ERN1: variants seen among roughly 807,000 people sequenced by gnomAD.
ERN1 encodes serine/threonine-protein kinase/endoribonuclease IRE1.
ERN1 carries 39 observed loss-of-function variants against 113.1 expected under a neutral mutation model. The ratio of observed to expected loss-of-function variants is 0.34; its 90% CI spans 0.27 to 0.45. The LOEUF is 0.45. Among genes scored for constraint, ERN1 ranks in the 20% least tolerant of loss-of-function variants. The pLI is 1.00. For synonymous variants in ERN1, 507 were observed against 515.9 expected (o/e 0.98, Z 0.23); for missense variants, 976 against 1,274.8 (o/e 0.77, Z 3.57).
intron 10 of ERN1, 126 bp from the exon 11 acceptor site, chr17:64,060,713 G>A (rs978700312): frequency 6.0e-6 from 4 of 663,466 alleles, no homozygotes; most frequent in Non-Finnish European, 1.1e-5. Flanking sequence ...GCAGGACTGT[G>A]AGTTAGAGAA....
chr17:64,123,733 T>TAC (rs1485939427), intron 1 of ERN1, among the ~76,000 whole-genome samples: 3 of 152,148 alleles, frequency 2.0e-5, no homozygotes, highest in African/African-American at 7.2e-5. Context: ...GAAAGTTCAT[T>TAC]ACATTGTTAT....
intron 4 of ERN1, 25 bp from the exon 5 acceptor site, chr17:64,075,272 A>AAAG: frequency 6.8e-7 from 1 of 1,478,498 alleles, no homozygotes. Flanking sequence ...AAAAAGAAAA[A>AAAG]AAAAAGTTAA....
In ERN1 at chr17:64,042,692, T is replaced by C. The variant is rs961739924; in HGVS notation, c.*1296A>G. On this transcript the variant is annotated 3_prime_UTR_variant, in exon 22 of 22. Transcript: ENST00000433197. ...TATGTTAAGTTTAGAAAAAAAAATA[T>C]GGTACAAACAATTTAGAGACTATTT... is the stretch of plus-strand genomic sequence containing the variant. The C allele has an allele frequency of 6.6e-6, 1 of 152,158 alleles. No homozygotes were observed. Among genetic ancestry groups the C allele is most frequent in the Non-Finnish European group, 1.5e-5 (1 of 68,018 alleles). 9.4% of individuals were successfully genotyped at this position (152,158 alleles called of 1,614,324 possible).
chr17:64,128,937 CAT>C (rs922938623), intron 1 of ERN1: 17 of 152,190 alleles, frequency 1.1e-4, no homozygotes, highest in African/African-American at 2.4e-4. Flanking sequence ...CAGGCACACA[CAT>C]GTCAGTGCTC....
rs376529363 is a variant in ERN1 at position 64,048,002 on chromosome 17, T to G, written c.2402-17A>C. The stretch of plus-strand genomic sequence containing the variant: ...TGACGTCTTCTATAAAGGAGGAAAA[T>G]AAGCAACTCATGACTACCAGTCCAA... On this transcript the variant is annotated splice_polypyrimidine_tract_variant and intron_variant, in intron 18 of 21. Transcript: ENST00000433197. 9 of 1,598,924 alleles carry G rather than the reference T, an allele frequency of 5.6e-6. No homozygotes were observed. Among genetic ancestry groups the G allele is most frequent in the Admixed American group, 1.7e-5 (1 of 59,000 alleles).
At chr17:64,075,102 T>C (rs1025076465) in intron 5 of ERN1, 73 bp downstream of exon 5, 12 of 1,279,692 alleles carry the variant, frequency 9.4e-6, no homozygotes, top group Admixed American at 6.0e-5. Flanking sequence ...GCCCTCTCTC[T>C]CCGCATGCCA....
At chr17:64,069,654 G>A (rs1913347392) in intron 6 of ERN1, among the ~76,000 whole-genome samples, 1 of 152,144 alleles carries the variant, frequency 6.6e-6, no homozygotes, top group African/African-American at 2.4e-5. Context: ...TCTCTTTCCT[G>A]CCCTTTTTTG....
At position 64,075,106 on chromosome 17, in the gene ERN1, C is replaced by T. The variant is rs983688638; in HGVS notation, c.355+69G>A. The T allele has an allele frequency of 1.3e-5, 17 of 1,309,804 alleles. No homozygotes were observed. The African/African-American group carries it at 2.5e-4, about 19-fold the overall frequency. The allele number at this position is 1,309,804 out of a possible 1,614,324, so 81.1% of individuals were successfully genotyped here. On this transcript the variant is annotated intron_variant, in intron 5 of 21. Transcript: ENST00000433197. ...GCGGTGACTGCGCCCTCTCTCTCCGCATGCCACTTTCCCAGATTCCGGGAC... is the reference window on the plus strand; with the variant it reads ...GCGGTGACTGCGCCCTCTCTCTCCGTATGCCACTTTCCCAGATTCCGGGAC...
At chr17:64,096,073 T>C (rs572117859) in intron 2 of ERN1, among the ~76,000 whole-genome samples, 49 of 152,296 alleles carry the variant, frequency 3.2e-4, no homozygotes, top group Non-Finnish European at 5.7e-4. Flanking sequence ...CTTTTTCATT[T>C]TGGGGTCCTA....
chr17:64,098,759 T>C (rs1914302008), intron 1 of ERN1, among the ~76,000 whole-genome samples: 1 of 152,234 alleles, frequency 6.6e-6, no homozygotes, highest in East Asian at 1.9e-4. Context: ...AGTAAAGATA[T>C]GTTATAAAAG....
intron 1 of ERN1, among the ~76,000 whole-genome samples, chr17:64,102,118 A>T (rs1914400838): frequency 6.6e-6 from 1 of 150,934 alleles, no homozygotes; most frequent in African/African-American, 2.4e-5. Flanking sequence ...CGTCTGTACT[A>T]AAAAAAAATA....
Position 64,068,284 on chromosome 17 carries a change from G to A in ERN1, c.486C>T (p.Thr162=). 1 of 1,610,996 alleles carries A rather than the reference G, an allele frequency of 6.2e-7. No individual in the cohort carries two copies. The highest frequency in any genetic ancestry group is 8.5e-7 in the Non-Finnish European group (1 of 1,178,450). The change falls in exon 7 of 22, where the codon ACC becomes ACT. Residue 162 remains threonine (T), a synonymous_variant. Transcript: ENST00000433197. ...GGGTTTTGGTGTCGTACATGGTGATGGTGTATTCTAAAGAACACAGACCAG... is the reference window on the plus strand; with the variant it reads ...GGGTTTTGGTGTCGTACATGGTGATAGTGTATTCTAAAGAACACAGACCAG... ...SLLYLGRTEY[T]ITMYDTKTRE... is the part of the protein sequence containing the mutation.
chr17:64,072,128 T>C (rs1437121606), intron 5 of ERN1, 25 bp from the exon 6 acceptor site: 8 of 1,611,612 alleles, frequency 5.0e-6, no homozygotes, highest in Non-Finnish European at 5.9e-6. Flanking sequence ...AAACACATCG[T>C]CGTTTACACC....
intron 1 of ERN1, among the ~76,000 whole-genome samples, chr17:64,104,066 C>T (rs1363019344): frequency 6.6e-6 from 1 of 151,406 alleles, no homozygotes; most frequent in South Asian, 2.1e-4. Flanking sequence ...TAGGGAGACC[C>T]CATCTTGACA....
intron 2 of ERN1, among the ~76,000 whole-genome samples, chr17:64,084,377 C>A (rs897155441): frequency 1.3e-5 from 2 of 152,004 alleles, no homozygotes; most frequent in African/African-American, 4.8e-5. Flanking sequence ...CCATAGGAAC[C>A]CTTTGTCTCT....
Position 64,056,198 on chromosome 17 carries a change from G to A in ERN1, c.1399-250C>T, listed in dbSNP as rs573414250. Among the ~76,000 whole-genome samples the A allele has an allele frequency of 2.0e-5, 3 of 152,356 alleles. No homozygotes were observed. In the East Asian group the frequency reaches 5.8e-4, roughly 29 times the overall value. On this transcript the variant is annotated intron_variant, in intron 12 of 21. Transcript: ENST00000433197. ...CCTAGGAGGGGCTGGATGGCCACCA[G>A]GGGAGGGACTGTGCCCTAGGTTGAG...
intron 8 of ERN1, 37 bp from the exon 9 acceptor site, chr17:64,065,324 T>G: frequency 6.8e-7 from 1 of 1,473,768 alleles, no homozygotes; most frequent in Non-Finnish European, 9.3e-7. Context: ...CCAGAGTCAT[T>G]GAATTTCCAG....
chr17:64,055,318 G>A (rs196932), intron 13 of ERN1, among the ~76,000 whole-genome samples: 142,900 of 152,284 alleles, frequency 0.94, 67,767 homozygotes, highest in East Asian at 1. Context: ...CAACTGGCTT[G>A]AGCCAACTTC....
chr17:64,099,639 G>A (rs1054775028), intron 1 of ERN1, among the ~76,000 whole-genome samples: 3 of 151,888 alleles, frequency 2.0e-5, no homozygotes, highest in African/African-American at 7.3e-5. Context: ...AAAGGATTGG[G>A]GTTATTTGTG....
Sources: allele counts gnomAD v4.1 joint callset (sites outside exome capture counted in the v4.1 genomes callset), GRCh38; gene constraint gnomAD v4.1.1; transcripts MANE v1.5; gene names NCBI Gene and HGNC (gene_info 2026-07-23, HGNC 2026-07-21).